The following LRRN1 variants were observed in gnomAD, a reference collection of about 807,000 sequenced individuals.
The protein encoded by LRRN1 is leucine-rich repeat neuronal protein 1.
In LRRN1, 14 loss-of-function variants were observed where a neutral mutation model predicts 45.8. The observed-to-expected ratio is 0.31, with a 90% confidence interval of 0.20 to 0.48. The LOEUF is 0.48. LRRN1 is among the 20% of genes least tolerant of loss of function. The pLI is 0.99. For synonymous variants in LRRN1, 359 were observed against 330.1 expected (o/e 1.09, Z -0.95); for missense variants, 789 against 874.2 (o/e 0.90, Z 1.23).
Position 3,848,509 on chromosome 3 carries a change from T to G in LRRN1, c.*1717T>G, listed in dbSNP as rs1431340860. Reference sequence around the variant, plus strand: ...GAAGTTGGCAGAAAGAAAGTCCAGGTGATGTAGGTTGAGGTATTTCTTTCT... The same window carrying G: ...GAAGTTGGCAGAAAGAAAGTCCAGGGGATGTAGGTTGAGGTATTTCTTTCT... On this transcript the variant is annotated 3_prime_UTR_variant, in exon 2 of 2. Transcript: ENST00000319331. Among the ~76,000 whole-genome samples the G allele has an allele frequency of 1.3e-5, 2 of 152,080 alleles. No homozygotes were observed. Among genetic ancestry groups the G allele is most frequent in the Non-Finnish European group, 2.9e-5 (2 of 68,022 alleles).
At chr3:3,830,906 GA>G (rs1198560163) in intron 1 of LRRN1, among the ~76,000 whole-genome samples, 2 of 152,180 alleles carry the variant, frequency 1.3e-5, no homozygotes, top group Non-Finnish European at 2.9e-5. Flanking sequence ...CTCTCAAAAG[GA>G]GAGTAGTTAT....
chr3:3,830,491 C>A (rs1019066563), intron 1 of LRRN1, among the ~76,000 whole-genome samples: 18 of 152,224 alleles, frequency 1.2e-4, no homozygotes, highest in African/African-American at 4.3e-4. Context: ...TAAAAAGGGG[C>A]TGTAGTGCTG....
chr3:3,849,635 A>T lies in LRRN1; in HGVS notation c.*2843A>T, dbSNP rs1693855873. 6.6e-6 allele frequency among the ~76,000 whole-genome samples: 1 copy of T among 152,146 alleles called. No individual in the cohort carries two copies. The highest frequency in any genetic ancestry group is 2.4e-5 in the African/African-American group (1 of 41,432). On this transcript the variant is annotated 3_prime_UTR_variant, in exon 2 of 2. Coordinates refer to ENST00000319331, the MANE Select transcript of LRRN1 (RefSeq NM_020873.7). ...CTTCAGGGTATATAGTGTATCTCTA[A>T]CCTGATTTTTCAAGGTTATTTTTGG...
chr3:3,822,506 TTA>T (rs1445052374), intron 1 of LRRN1, among the ~76,000 whole-genome samples: 1 of 152,168 alleles, frequency 6.6e-6, no homozygotes, highest in East Asian at 1.9e-4. Flanking sequence ...GTTTTATTTT[TTA>T]TGTTTCTTTG....
Position 3,805,346 on chromosome 3 carries a change from C to T in LRRN1, c.-279+5427C>T, listed in dbSNP as rs567556486. Reference sequence around the variant, plus strand: ...GGCAATAAAGAATATCATTAACCTGCATTGTTATTTCACAATAGTGATAAG... The same window carrying T: ...GGCAATAAAGAATATCATTAACCTGTATTGTTATTTCACAATAGTGATAAG... On this transcript the variant is annotated intron_variant, in intron 1 of 1. Transcript: ENST00000319331. Among the ~76,000 whole-genome samples the T allele has an allele frequency of 3.3e-5, 5 of 152,312 alleles. No homozygotes were observed. The South Asian group carries it at 8.3e-4, about 25-fold the overall frequency.
chr3:3,815,524 C>G (rs1381908884), intron 1 of LRRN1, among the ~76,000 whole-genome samples: 1 of 152,084 alleles, frequency 6.6e-6, no homozygotes, highest in Non-Finnish European at 1.5e-5. Context: ...TTGGTGAGTG[C>G]CAACATAGGT....
intron 1 of LRRN1, among the ~76,000 whole-genome samples, chr3:3,839,260 T>C (rs1020637235): frequency 2.0e-5 from 3 of 152,302 alleles, no homozygotes; most frequent in East Asian, 3.9e-4. Context: ...GAAGAAACTG[T>C]CCTTTATTGT....
intron 1 of LRRN1, among the ~76,000 whole-genome samples, chr3:3,804,352 T>C (rs956668274): frequency 6.6e-6 from 1 of 152,198 alleles, no homozygotes; most frequent in Non-Finnish European, 1.5e-5. Flanking sequence ...ATGCCTCCAG[T>C]ACCACAATTA....
chr3:3,807,525 A>C (rs376566729), intron 1 of LRRN1, among the ~76,000 whole-genome samples: 4 of 152,294 alleles, frequency 2.6e-5, no homozygotes. Context: ...GTTTAGTAAG[A>C]CTTGCACGTC....
chr3:3,848,637 G>A lies in LRRN1; in HGVS notation c.*1845G>A, dbSNP rs1183520064. On this transcript the variant is annotated 3_prime_UTR_variant, in exon 2 of 2. Transcript: ENST00000319331. ...CAGAATTTCAGATCTTGAAACAAAT[G>A]AGCTGCAACAGAAAAATAAGTACCT... Among the ~76,000 whole-genome samples the A allele has an allele frequency of 6.6e-6, 1 of 152,130 alleles. No homozygotes were observed. The highest frequency in any genetic ancestry group is 1.5e-5 in the Non-Finnish European group (1 of 68,024).
intron 1 of LRRN1, among the ~76,000 whole-genome samples, chr3:3,835,062 A>G (rs180785244): frequency 4.6e-5 from 7 of 152,272 alleles, no homozygotes; most frequent in Admixed American, 3.3e-4. Flanking sequence ...ATTTACATGT[A>G]TGAACCATAT....
Position 3,845,895 on chromosome 3 carries a change from G to A in LRRN1, c.1254G>A (p.Ser418=), listed in dbSNP as rs749719481. The change falls in exon 2 of 2, where the codon TCG becomes TCA. Residue 418 remains serine, a synonymous_variant. Coordinates refer to ENST00000319331, the MANE Select transcript of LRRN1 (RefSeq NM_020873.7). This position sits in a 1 kb window ranked among gnomAD's most constrained non-coding sequence, Gnocchi z 6.5. ...TGAAGGAAGTTTTAATCCAGGATTC[G>A]AGTGAACAGTGCCTCCCAATGATAT... The part of the protein sequence containing the change: ...HQVKEVLIQD[S]SEQCLPMISH... The A allele has an allele frequency of 8.7e-6, 14 of 1,613,948 alleles. No individual in the cohort carries two copies. Among genetic ancestry groups the A allele is most frequent in the South Asian group, 7.7e-5 (7 of 91,078 alleles).
intron 1 of LRRN1, among the ~76,000 whole-genome samples, chr3:3,801,663 T>C (rs778479720): frequency 9.9e-5 from 15 of 152,166 alleles, no homozygotes; most frequent in Non-Finnish European, 1.6e-4. Flanking sequence ...AAAGACGCAG[T>C]GTGAGTTTTT....
At chr3:3,821,929 G>C (rs2106458752) in intron 1 of LRRN1, among the ~76,000 whole-genome samples, 1 of 152,290 alleles carries the variant, frequency 6.6e-6, no homozygotes, top group African/African-American at 2.4e-5. Flanking sequence ...GAGTGAACAA[G>C]ACAGAAACGG....
intron 1 of LRRN1, among the ~76,000 whole-genome samples, chr3:3,807,873 C>T (rs1009665304): frequency 1.3e-5 from 2 of 152,204 alleles, no homozygotes; most frequent in Admixed American, 6.5e-5. Flanking sequence ...CCTAACCCCC[C>T]AAAGGACCAG....
intron 1 of LRRN1, among the ~76,000 whole-genome samples, chr3:3,812,506 T>C (rs1452305192): frequency 1.3e-5 from 2 of 152,158 alleles, no homozygotes; most frequent in Non-Finnish European, 2.9e-5. Context: ...AATAAAAGGG[T>C]ACTTTCTTTT....
At position 3,844,673 on chromosome 3, in the gene LRRN1, G is replaced by A. The variant is rs1389836695; in HGVS notation, c.32G>A (p.Cys11Tyr). 1 of 1,613,198 alleles carries A rather than the reference G, an allele frequency of 6.2e-7. No homozygotes were observed. Among genetic ancestry groups the A allele is most frequent in the East Asian group, 2.2e-5 (1 of 44,846 alleles). Residue 11 changes from cysteine (C) to tyrosine (Y), a missense_variant, in exon 2 of 2, where the codon TGC becomes TAC. By Grantham distance (194) the Cys-to-Tyr change is radical. Coordinates refer to ENST00000319331, the MANE Select transcript of LRRN1 (RefSeq NM_020873.7). ...AGGATGAGCTTTGTTATAGCAGCTT[G>A]CCAATTGGTGCTGGGCCTACTAATG... MARMSFVIAA[C>Y]QLVLGLLMTS...
chr3:3,830,288 T>C (rs1693337886), intron 1 of LRRN1, among the ~76,000 whole-genome samples: 1 of 152,216 alleles, frequency 6.6e-6, no homozygotes. Flanking sequence ...AATTTCTTTG[T>C]CACCAATTTT....
At chr3:3,839,222 A>T (rs142713975) in intron 1 of LRRN1, among the ~76,000 whole-genome samples, 13 of 152,268 alleles carry the variant, frequency 8.5e-5, no homozygotes, top group Admixed American at 2.0e-4. Flanking sequence ...TTTCATGTAG[A>T]TATCCAGTTT....
Sources: allele counts gnomAD v4.1 joint callset (sites outside exome capture counted in the v4.1 genomes callset), GRCh38; gene constraint gnomAD v4.1.1; non-coding constraint Gnocchi (gnomAD v3.1); transcripts MANE v1.5; gene names NCBI Gene and HGNC (gene_info 2026-07-23, HGNC 2026-07-21).